Variants in PCDHA8 observed in about 807,000 individuals in gnomAD.
PCDHA8 encodes protocadherin alpha-8.
In PCDHA8, 53 loss-of-function variants were observed where a neutral mutation model predicts 61.8. That is an observed-to-expected ratio of 0.86 (90% confidence interval 0.69 to 1.08). PCDHA8 has a LOEUF of 1.08. Ranked by LOEUF, PCDHA8 falls within the 50% of genes least tolerant of loss-of-function variation. The pLI is 0.00. For missense variants in PCDHA8, 1,293 were observed against 1,245.0 expected (o/e 1.04, Z -0.58); for synonymous variants, 618 against 556.6 (o/e 1.11, Z -1.55).
In PCDHA8 at chr5:140,853,855, T is replaced by C. The variant is rs1179807632; in HGVS notation, c.2394+10140T>C. On this transcript the variant is annotated intron_variant, in intron 1 of 3. Transcript: ENST00000531613. The stretch of plus-strand genomic sequence containing the variant: ...GAAATTTTAGATCCATAGCCCTATT[T>C]GATACTTGACAGTGCAAGTTTCTGT... 3.0e-6 allele frequency: 3 copies of C among 985,756 alleles called. No homozygotes were observed. In the African/African-American group the frequency reaches 5.3e-5, roughly 17 times the overall value. 61.1% of individuals were successfully genotyped at this position (985,756 alleles called of 1,614,324 possible). A position where few individuals can be genotyped will look rare whatever the true frequency, so the allele number is the denominator to read the frequency against.
intron 1 of PCDHA8, chr5:140,857,826 T>A (rs782420102): frequency 6.3e-7 from 1 of 1,597,464 alleles, no homozygotes; most frequent in South Asian, 1.1e-5. Context: ...GTGGCTAAGG[T>A]GCGCGCAGTG....
rs782580460 is a variant in PCDHA8, at chr5:140,875,923, C to T, written c.2394+32208C>T. 1.2e-5 allele frequency: 20 copies of T among 1,614,184 alleles called. 1 individual carries two copies. The South Asian group carries it at 2.1e-4, about 17-fold the overall frequency. On this transcript the variant is annotated intron_variant, in intron 1 of 3. Coordinates refer to ENST00000531613, the MANE Select transcript of PCDHA8 (RefSeq NM_018911.3). ...TTCTGAATCTGCGCCTCTGGACTCT[C>T]ATTTTCCTCTAGAGGGCGCTTCTGA...
chr5:140,952,913 A>G (rs1013502361), intron 1 of PCDHA8, among the ~76,000 whole-genome samples: 6 of 152,092 alleles, frequency 3.9e-5, no homozygotes, highest in African/African-American at 1.4e-4. Flanking sequence ...CTCATCTTAC[A>G]TGGCATGAGC....
At chr5:140,973,068 G>T (rs1563422416) in intron 1 of PCDHA8, among the ~76,000 whole-genome samples, 1 of 152,140 alleles carries the variant, frequency 6.6e-6, no homozygotes, top group Non-Finnish European at 1.5e-5. Context: ...CAGTGTCTCA[G>T]TGGGCCCAGC....
At chr5:140,849,745 G>T (rs2150447816) in intron 1 of PCDHA8, 1 of 1,598,462 alleles carries the variant, frequency 6.3e-7, no homozygotes, top group Admixed American at 1.7e-5. Context: ...GACCGCGAGA[G>T]TGTGTCCGCC....
chr5:140,957,385 A>G (rs1166781130), intron 1 of PCDHA8, among the ~76,000 whole-genome samples: 1 of 152,192 alleles, frequency 6.6e-6, no homozygotes, highest in Non-Finnish European at 1.5e-5. Flanking sequence ...GTGTATTGTT[A>G]TAATTGTCCT....
chr5:140,886,828 A>G (rs74967108), intron 1 of PCDHA8, among the ~76,000 whole-genome samples: 4 of 133,052 alleles, frequency 3.0e-5, no homozygotes, highest in Non-Finnish European at 6.5e-5. Flanking sequence ...CTTCGTCTTG[A>G]AAAAAAAAAA....
intron 1 of PCDHA8, among the ~76,000 whole-genome samples, chr5:140,957,285 G>A (rs1036077483): frequency 2.0e-5 from 3 of 152,144 alleles, no homozygotes; most frequent in Non-Finnish European, 4.4e-5. Context: ...CTTACCTGCA[G>A]TTTCACTCTG....
chr5:140,850,861 C>A, intron 1 of PCDHA8: 2 of 1,592,808 alleles, frequency 1.3e-6, no homozygotes, highest in Admixed American at 3.4e-5. Flanking sequence ...ACGGGAGAAC[C>A]CTCTGCTTCC....
chr5:140,941,248 T>TTTCTTTCC (rs1563187616), intron 1 of PCDHA8, among the ~76,000 whole-genome samples: 1 of 141,492 alleles, frequency 7.1e-6, no homozygotes, highest in African/African-American at 2.6e-5. Context: ...TCTTTCTTTC[T>TTTCTTTCC]TTCTTTCTCT....
chr5:140,917,724 G>C (rs2078325058), intron 1 of PCDHA8, among the ~76,000 whole-genome samples: 1 of 152,080 alleles, frequency 6.6e-6, no homozygotes, highest in East Asian at 1.9e-4. Flanking sequence ...CTTTATTTCT[G>C]GGTTCTCTAA....
chr5:140,875,371 C>T (rs2055439966), intron 1 of PCDHA8: 2 of 1,451,152 alleles, frequency 1.4e-6, no homozygotes, highest in African/African-American at 1.4e-5. Flanking sequence ...AAAAAATTTA[C>T]TAAATATGTA....
At chr5:140,871,521 CA>C in intron 1 of PCDHA8, 1 of 1,553,236 alleles carries the variant, frequency 6.4e-7, no homozygotes, top group Non-Finnish European at 8.7e-7. Context: ...TTCCACCTAT[CA>C]GGAAGTGTAT....
chr5:140,850,673 G>T (rs2150493281), intron 1 of PCDHA8: 2 of 1,598,494 alleles, frequency 1.3e-6, no homozygotes, highest in African/African-American at 2.7e-5. Context: ...GCTCGGCGAT[G>T]CCCACCGAGG....
chr5:140,961,054 T>C (rs1290831214), intron 1 of PCDHA8, among the ~76,000 whole-genome samples: 2 of 152,136 alleles, frequency 1.3e-5, no homozygotes, highest in African/African-American at 4.8e-5. Context: ...AACAAAATGT[T>C]GAATGGGATA....
intron 1 of PCDHA8, among the ~76,000 whole-genome samples, chr5:140,896,089 G>A (rs13174119): frequency 0.32 from 48,051 of 152,038 alleles, 7,939 homozygotes; most frequent in East Asian, 0.53. Flanking sequence ...GGGATTACAG[G>A]CGTGAGCCAC....
intron 1 of PCDHA8, among the ~76,000 whole-genome samples, chr5:140,932,822 A>G (rs1191525374): frequency 6.6e-6 from 1 of 151,946 alleles, no homozygotes; most frequent in Non-Finnish European, 1.5e-5. Context: ...ATAAGTGGGA[A>G]AGTATTGACA....
At chr5:140,941,629 A>G (rs965702759) in intron 1 of PCDHA8, among the ~76,000 whole-genome samples, 12 of 151,584 alleles carry the variant, frequency 7.9e-5, no homozygotes, top group African/African-American at 2.9e-4. Context: ...CTGCTTCTTA[A>G]TTTCTGTCTT....
chr5:140,891,604 C>T (rs1554184885), intron 1 of PCDHA8, among the ~76,000 whole-genome samples: 2 of 152,172 alleles, frequency 1.3e-5, no homozygotes, highest in African/African-American at 4.8e-5. Flanking sequence ...CCATCTATTT[C>T]TACCTTTTAT....
Sources: gnomAD v4.1 joint callset for allele counts (sites outside exome capture counted in the v4.1 genomes callset) on GRCh38, gnomAD v4.1.1 for gene constraint, MANE v1.5 for transcripts, NCBI Gene and HGNC (gene_info 2026-07-23, HGNC 2026-07-21) for gene names.